Variants in UNC80 observed in about 807,000 individuals in gnomAD.
UNC80 encodes the protein unc-80 subunit of NALCN channel complex, also known as protein unc-80 homolog.
A neutral mutation model predicts 384.6 loss-of-function variants in UNC80; 164 were observed. The ratio of observed to expected loss-of-function variants is 0.43; its 90% confidence interval spans 0.38 to 0.49. The LOEUF (loss-of-function observed/expected upper bound fraction) is 0.49. Among genes scored for constraint, UNC80 ranks in the 20% least tolerant of loss-of-function variants. UNC80 has a pLI of 0.00. For synonymous variants in UNC80, 1,486 were observed against 1,527.8 expected, an observed-to-expected ratio of 0.97 and a Z score of 0.64; for missense variants, 3,330 against 4,143.0, an observed-to-expected ratio of 0.80 and a Z score of 5.39.
intron 61 of UNC80, among the ~76,000 whole-genome samples, chr2:209,989,928 C>A (rs2093361775): frequency 6.6e-6 from 1 of 152,164 alleles, no homozygotes; most frequent in African/African-American, 2.4e-5. Flanking sequence ...TGTTAGCAAT[C>A]ACATTTTTAG....
At chr2:209,921,737 C>T (rs372467733) in intron 34 of UNC80, 51 bp downstream of exon 34, 41 of 1,479,914 alleles carry the variant, frequency 2.8e-5, no homozygotes, top group East Asian at 1.7e-4. Flanking sequence ...AGGGAAATAA[C>T]GTGCTCTGAA....
Position 209,819,055 on chromosome 2 carries a change from G to A in UNC80, c.1756G>A (p.Val586Ile), listed in dbSNP as rs1367491142. The A allele has an allele frequency of 1.6e-5, 25 of 1,551,676 alleles. No homozygotes were observed. Among genetic ancestry groups the A allele is most frequent in the Admixed American group, 3.9e-5 (2 of 50,974 alleles). ...TFNTTLASFN[V>I]GYADFFNEHM... ...CAATACCACTTTGGCGTCATTCAAC[G>A]TAGGCTATGCAGACTTTTTCAATGA... is the stretch of plus-strand genomic sequence containing the variant. Residue 586 changes from valine to isoleucine, a missense_variant, in exon 12 of 65, where the codon GTA becomes ATA. This residue lies in a region of UNC80 where 937 missense variants were observed against 1,026.8 expected (regional missense o/e 0.91). Transcript: ENST00000673920.
Position 209,813,850 on chromosome 2 carries a change from A to T in UNC80, c.1200+9A>T, listed in dbSNP as rs567322202. ...ACACCCACAAAACCCAAGTAAGAAA[A>T]ACCCGGTTCATTGTCATTCAAACCA... On this transcript the variant is annotated intron_variant, in intron 8 of 64. Coordinates refer to ENST00000673920, the MANE Select transcript of UNC80 (RefSeq NM_001371986.1). 5.2e-6 allele frequency: 8 copies of T among 1,549,152 alleles called. No homozygotes were observed. The highest frequency in any genetic ancestry group is 4.9e-5 in the East Asian group (2 of 40,868).
intron 51 of UNC80, among the ~76,000 whole-genome samples, chr2:209,967,005 G>T (rs2092759073): frequency 6.6e-6 from 1 of 152,072 alleles, no homozygotes; most frequent in Non-Finnish European, 1.5e-5. Flanking sequence ...AATTTACAAG[G>T]ACGTTTGATA....
intron 26 of UNC80, among the ~76,000 whole-genome samples, chr2:209,890,983 T>C (rs2086272005): frequency 6.6e-6 from 1 of 152,198 alleles, no homozygotes; most frequent in Non-Finnish European, 1.5e-5. Context: ...GTTTTTCCAA[T>C]GAATTTCAAT....
At position 209,793,616 on chromosome 2, in the gene UNC80, A is replaced by G. The variant is rs984023169; in HGVS notation, c.799-104A>G. 2.9e-6 allele frequency: 4 copies of G among 1,395,604 alleles called. No individual in the cohort carries two copies. The African/African-American group carries it at 4.3e-5, about 15-fold the overall frequency. 86.5% of individuals were successfully genotyped at this position (1,395,604 alleles called of 1,614,324 possible). ...AACTATAGTGAAAAAAAGCCCATATATGGAACCATGTTGTAATATGGTAGC... is the reference window on the plus strand; with the variant it reads ...AACTATAGTGAAAAAAAGCCCATATGTGGAACCATGTTGTAATATGGTAGC... On this transcript the variant is annotated intron_variant, in intron 6 of 64. Transcript: ENST00000673920.
chr2:209,836,729 A>T (rs925117293), intron 18 of UNC80, among the ~76,000 whole-genome samples: 2 of 152,162 alleles, frequency 1.3e-5, no homozygotes, highest in African/African-American at 4.8e-5. Flanking sequence ...TTCAGATGAC[A>T]CTGGCTCCTC....
chr2:209,788,346 G>A (rs1440244356), intron 5 of UNC80, among the ~76,000 whole-genome samples: 1 of 151,542 alleles, frequency 6.6e-6, no homozygotes, highest in Non-Finnish European at 1.5e-5. Context: ...GAACCTGGGA[G>A]GTGGAGGTTG....
rs2093173818 is a variant in UNC80 at position 209,982,195 on chromosome 2, G to A, written c.9135G>A (p.Met3045Ile). ...CCCTTTTAGATGACTCTATAAGCAT[G>A]CCCAGCGTGGTAAGTGAACAAGAAG... ...EEDEENDSIS[M>I]PSVVSEQEAY... The change falls in exon 60 of 65, where the codon ATG (methionine) becomes ATA (isoleucine). Residue 3045 changes from methionine to isoleucine, a missense_variant. By Grantham distance (10) the Met-to-Ile change is conservative. This residue lies in a region of UNC80 where 216 missense variants were observed against 245.3 expected (regional missense o/e 0.88). Coordinates refer to ENST00000673920, the MANE Select transcript of UNC80 (RefSeq NM_001371986.1). The A allele has an allele frequency of 6.4e-7, 1 of 1,551,338 alleles. No homozygotes were observed. Among genetic ancestry groups the A allele is most frequent in the South Asian group, 1.2e-5 (1 of 84,040 alleles).
chr2:209,782,275 C>T (rs2077193496), intron 4 of UNC80, among the ~76,000 whole-genome samples: 1 of 152,206 alleles, frequency 6.6e-6, no homozygotes, highest in Non-Finnish European at 1.5e-5. Flanking sequence ...TATGACCTGT[C>T]TGACTACTTC....
In UNC80 at chr2:209,969,804, T is replaced by A; in HGVS notation, c.8043T>A (p.Ile2681=). The A allele has an allele frequency of 6.4e-7, 1 of 1,551,708 alleles. No homozygotes were observed. The highest frequency in any genetic ancestry group is 1.4e-5 in the African/African-American group (1 of 73,174). ...QVEWEPASNL[I]EGVCLTLQRQ... ...AGTGGGAGCCTGCCAGCAATTTGAT[T>A]GAAGGGGTTTGTTTGACACTTCAGA... Residue 2681 remains isoleucine (I), a synonymous_variant, in exon 53 of 65, where the codon ATT becomes ATA. Transcript: ENST00000673920.
intron 13 of UNC80, among the ~76,000 whole-genome samples, chr2:209,823,653 A>T (rs1289401362): frequency 6.6e-6 from 1 of 151,838 alleles, no homozygotes; most frequent in Non-Finnish European, 1.5e-5. Flanking sequence ...AATTAATTTT[A>T]TCATTATTTT....
chr2:209,839,439 A>G lies in UNC80; in HGVS notation c.3250+9A>G, dbSNP rs144170692. 568 of 1,551,908 alleles carry G rather than the reference A, an allele frequency of 3.7e-4. No homozygotes were observed. The African/African-American group carries it at 6.0e-3, about 16-fold the overall frequency. On this transcript the variant is annotated intron_variant, in intron 19 of 64. Coordinates refer to ENST00000673920, the MANE Select transcript of UNC80 (RefSeq NM_001371986.1). This position sits in a 1 kb window ranked among gnomAD's most constrained non-coding sequence, Gnocchi z 4.1. ...GCTTAAACTCCCCATAGGTAAAAGT[A>G]TGTCTGTATTTGTTTATGGATTATC...
At chr2:209,965,772 C>T (rs763921839) in intron 51 of UNC80, among the ~76,000 whole-genome samples, 69 of 151,592 alleles carry the variant, frequency 4.6e-4, no homozygotes, top group Non-Finnish European at 7.5e-4. Context: ...TGTATTTTTT[C>T]GTTTTCCTTT....
In UNC80 at chr2:209,998,709, T is replaced by G. The variant is rs2093517606; in HGVS notation, c.*3114T>G. ...GGGTCATAAATGAATAGAAGTACAG[T>G]CTGAAACATGAATTAAATATCCTTC... On this transcript the variant is annotated 3_prime_UTR_variant, in exon 65 of 65. Transcript: ENST00000673920. The G allele has an allele frequency of 6.6e-6, 1 of 152,068 alleles. No homozygotes were observed. Among genetic ancestry groups the G allele is most frequent in the Non-Finnish European group, 1.5e-5 (1 of 67,938 alleles). 9.4% of individuals were successfully genotyped at this position (152,068 alleles called of 1,614,324 possible). A position where few individuals can be genotyped will look rare whatever the true frequency, so the allele number is the denominator to read the frequency against.
At position 209,822,291 on chromosome 2, in the gene UNC80, C is replaced by A. The variant is rs540590311; in HGVS notation, c.2331+1612C>A. 3.9e-5 allele frequency among the ~76,000 whole-genome samples: 6 copies of A among 152,312 alleles called. No homozygotes were observed. The East Asian group carries it at 9.6e-4, about 24-fold the overall frequency. On this transcript the variant is annotated intron_variant, in intron 13 of 64. Coordinates refer to ENST00000673920, the MANE Select transcript of UNC80 (RefSeq NM_001371986.1). ...CTATCACTGAGGACAATGCAAGGAA[C>A]TTCAGATCTGACTGTAAATGAAAAT...
Position 209,926,891 on chromosome 2 carries a change from C to A in UNC80, c.5711C>A (p.Pro1904His). The A allele has an allele frequency of 6.4e-7, 1 of 1,552,192 alleles. No homozygotes were observed. Among genetic ancestry groups the A allele is most frequent in the Non-Finnish European group, 8.7e-7 (1 of 1,147,078 alleles). ...EHTPNHHVPQ[P>H]PQAVFPACIC... is the part of the protein sequence containing the mutation. Reference sequence around the variant, plus strand: ...ACGCCGAACCACCATGTGCCTCAGCCCCCACAAGCAGTGTTCCCAGCATGC... The same window carrying A: ...ACGCCGAACCACCATGTGCCTCAGCACCCACAAGCAGTGTTCCCAGCATGC... Residue 1904 changes from proline to histidine, a missense_variant, in exon 36 of 65, where the codon CCC becomes CAC. Pro to His is a moderately conservative substitution (Grantham distance 77). Coordinates refer to ENST00000673920, the MANE Select transcript of UNC80 (RefSeq NM_001371986.1).
chr2:209,777,968 C>G (rs1470372286), intron 4 of UNC80, among the ~76,000 whole-genome samples: 1 of 152,194 alleles, frequency 6.6e-6, no homozygotes, highest in Non-Finnish European at 1.5e-5. Context: ...TTTCCCCGCT[C>G]TATTCCTGTC....
intron 5 of UNC80, among the ~76,000 whole-genome samples, chr2:209,787,682 C>A (rs2077526041): frequency 6.6e-6 from 1 of 152,098 alleles, no homozygotes; most frequent in Non-Finnish European, 1.5e-5. Context: ...TTAAACAAAC[C>A]TACCGCGCTG....
Sources: gnomAD v4.1 joint callset for allele counts (sites outside exome capture counted in the v4.1 genomes callset) on GRCh38, gnomAD v4.1.1 for gene constraint, gnomAD v4.1.1 regional missense constraint, Gnocchi (gnomAD v3.1) non-coding constraint, MANE v1.5 for transcripts, NCBI Gene and HGNC (gene_info 2026-07-23, HGNC 2026-07-21) for gene names.